The following CFAP77 variants were observed in gnomAD, a reference collection of about 807,000 sequenced individuals.
The protein encoded by CFAP77 is cilia- and flagella-associated protein 77.
CFAP77 carries 25 observed loss-of-function variants against 31.1 expected under a neutral mutation model. The ratio of observed to expected loss-of-function variants is 0.80; its 90% CI spans 0.59 to 1.12. CFAP77 has a LOEUF of 1.12. Among genes scored for constraint, CFAP77 ranks in the 50% most tolerant of loss-of-function variants. The probability of loss-of-function intolerance (pLI) is 0.00; values close to 1 mark genes in which losing one functional copy is unlikely to be tolerated. For missense variants in CFAP77, 377 were observed against 397.3 expected (o/e 0.95, Z 0.44); for synonymous variants, 151 against 159.9 (o/e 0.94, Z 0.42).
At position 132,410,452 on chromosome 9, in the gene CFAP77, CCT is replaced by C; in HGVS notation, c.185_186del (p.Leu62HisfsTer5). 9 of 1,585,616 alleles carry C rather than the reference CCT, an allele frequency of 5.7e-6. No homozygotes were observed. The highest frequency in any genetic ancestry group is 7.7e-6 in the Non-Finnish European group (9 of 1,168,592). On this transcript the variant is annotated frameshift_variant, in exon 1 of 6. Transcript: ENST00000393216. LOFTEE classifies it high-confidence loss of function. ...CGTGCGGGACTCCATGTTTCAGAAC[CCT>C]CTCATCGTCAAGGTGAGCACCCCAC... ...GVVRDSMFQN[P>X]LIVKAELGKP...
rs369149305 is a variant in CFAP77, at chr9:132,440,925, A to G, written c.195+30459A>G. ...CCTCTTCAGTAAACACCTCCCACAT[A>G]CAGGACTTTCTGATGCAACCTGTGT... is the stretch of plus-strand genomic sequence containing the variant. On this transcript the variant is annotated intron_variant, in intron 1 of 5. Transcript: ENST00000393216. Among the ~76,000 whole-genome samples, 4 of 152,270 alleles carry G rather than the reference A, an allele frequency of 2.6e-5. No individual in the cohort carries two copies. The South Asian group carries it at 8.3e-4, about 32-fold the overall frequency.
At chr9:132,568,710 GA>G (rs1829918958) in intron 5 of CFAP77, among the ~76,000 whole-genome samples, 1 of 152,154 alleles carries the variant, frequency 6.6e-6, no homozygotes, top group African/African-American at 2.4e-5. Context: ...CTTTGGAATA[GA>G]TTTTTTTTTG....
chr9:132,472,326 C>T (rs534403536), intron 1 of CFAP77, among the ~76,000 whole-genome samples: 2 of 152,204 alleles, frequency 1.3e-5, no homozygotes, highest in African/African-American at 2.4e-5. Flanking sequence ...ATTTTCAAGA[C>T]TCTTTATTGT....
At chr9:132,433,204 T>G (rs1850443342) in intron 1 of CFAP77, among the ~76,000 whole-genome samples, 1 of 152,192 alleles carries the variant, frequency 6.6e-6, no homozygotes, top group Non-Finnish European at 1.5e-5. Flanking sequence ...TTCATGGGGC[T>G]GTTGCAAAGA....
chr9:132,482,540 G>A (rs561456732), intron 1 of CFAP77: 13 of 709,938 alleles, frequency 1.8e-5, no homozygotes, highest in South Asian at 7.9e-5. Context: ...CCATGGTCTC[G>A]TCTAAATGTT....
At chr9:132,429,403 G>A (rs990935256) in intron 1 of CFAP77, among the ~76,000 whole-genome samples, 2 of 151,680 alleles carry the variant, frequency 1.3e-5, no homozygotes, top group East Asian at 3.9e-4. Flanking sequence ...GCCAGGGGTG[G>A]TGGCGGTTCC....
intron 3 of CFAP77, among the ~76,000 whole-genome samples, chr9:132,521,222 G>A (rs1293646550): frequency 6.6e-6 from 1 of 152,184 alleles, no homozygotes; most frequent in East Asian, 1.9e-4. Flanking sequence ...AGAGAGAAGG[G>A]AATCAAGAGG....
chr9:132,567,792 T>C (rs373304375), intron 5 of CFAP77, among the ~76,000 whole-genome samples: 11 of 152,354 alleles, frequency 7.2e-5, no homozygotes, highest in African/African-American at 2.2e-4. Flanking sequence ...GGGCTCCCGA[T>C]GCTCCTTGGT....
chr9:132,427,138 C>G (rs1475200317), intron 1 of CFAP77, among the ~76,000 whole-genome samples: 2 of 152,242 alleles, frequency 1.3e-5, no homozygotes, highest in Non-Finnish European at 2.9e-5. Flanking sequence ...GGTGGGCCAG[C>G]CTTGGCCAGA....
chr9:132,552,837 G>T lies in CFAP77; in HGVS notation c.732+9790G>T, dbSNP rs1852842625. On this transcript the variant is annotated intron_variant, in intron 5 of 5. Coordinates refer to ENST00000393216, the MANE Select transcript of CFAP77 (RefSeq NM_001282957.2). The surrounding 1 kb of genome is among the most constrained non-coding windows in gnomAD (Gnocchi z 5.5). ...GTGTCAACTCCACTCTTACAGTTACGTTCAAATATGTGTTTACTGTGGCAG... is the reference window on the plus strand; with the variant it reads ...GTGTCAACTCCACTCTTACAGTTACTTTCAAATATGTGTTTACTGTGGCAG... 6.6e-6 allele frequency among the ~76,000 whole-genome samples: 1 copy of T among 152,106 alleles called. No individual in the cohort carries two copies.
intron 1 of CFAP77, among the ~76,000 whole-genome samples, chr9:132,438,576 A>G (rs890313172): frequency 6.5e-4 from 88 of 134,908 alleles, no homozygotes; most frequent in Non-Finnish European, 1.3e-3. Context: ...GTCTCAAGTC[A>G]TCCAGGCTGG....
intron 1 of CFAP77, among the ~76,000 whole-genome samples, chr9:132,429,705 AGTT>A (rs1156899723): frequency 6.7e-6 from 1 of 149,880 alleles, no homozygotes; most frequent in Non-Finnish European, 1.5e-5. Context: ...AAAAAAAAAA[AGTT>A]AGCCGGACAT....
chr9:132,499,635 AG>A lies in CFAP77; in HGVS notation c.524+40del, dbSNP rs754067800. On this transcript the variant is annotated intron_variant, in intron 3 of 5. Transcript: ENST00000393216. This position sits in a 1 kb window ranked among gnomAD's most constrained non-coding sequence, Gnocchi z 5.4. The stretch of plus-strand genomic sequence containing the variant: ...CTGGCAGCCAGGGCTTCATCCCTTG[AG>A]GGGGTGGAGGTACCAGCTCAATCAG... 6.3e-7 allele frequency: 1 copy of A among 1,593,182 alleles called. No homozygotes were observed. Among genetic ancestry groups the A allele is most frequent in the Non-Finnish European group, 8.6e-7 (1 of 1,161,228 alleles).
intron 3 of CFAP77, among the ~76,000 whole-genome samples, chr9:132,520,820 G>A (rs1055964984): frequency 2.5e-4 from 38 of 152,216 alleles, no homozygotes; most frequent in African/African-American, 8.2e-4. Flanking sequence ...AGACACTGGC[G>A]CAGGGCCAGC....
rs1564225272 is a variant in CFAP77 at position 132,490,587 on chromosome 9, C to A, written c.196-8108C>A. 6.6e-6 allele frequency among the ~76,000 whole-genome samples: 1 copy of A among 152,188 alleles called. No individual in the cohort carries two copies. The highest frequency in any genetic ancestry group is 2.4e-5 in the African/African-American group (1 of 41,434). On this transcript the variant is annotated intron_variant, in intron 1 of 5. Transcript: ENST00000393216. The surrounding 1 kb of genome is among the most constrained non-coding windows in gnomAD (Gnocchi z 4.6). ...AGGGAGGCCAAGGGTCAGCGCTGGG[C>A]ACTCCCACCTCTGGCTCCAGGCCGC...
At chr9:132,456,975 G>A (rs1002364777) in intron 1 of CFAP77, among the ~76,000 whole-genome samples, 2 of 151,976 alleles carry the variant, frequency 1.3e-5, no homozygotes, top group Non-Finnish European at 2.9e-5. Flanking sequence ...GAACTCCTGA[G>A]CTCAAGTGAT....
chr9:132,556,321 T>C (rs1852904951), intron 5 of CFAP77, among the ~76,000 whole-genome samples: 1 of 152,198 alleles, frequency 6.6e-6, no homozygotes, highest in Non-Finnish European at 1.5e-5. Context: ...CCTGTCCTGA[T>C]ATTTCTAAGC....
At position 132,466,675 on chromosome 9, in the gene CFAP77, A is replaced by T. The variant is rs116293446; in HGVS notation, c.196-32020A>T. 9.9e-3 allele frequency among the ~76,000 whole-genome samples: 1,503 copies of T among 152,326 alleles called. 29 individuals carry two copies. Among genetic ancestry groups the T allele is most frequent in the African/African-American group, 0.034 (1,424 of 41,566 alleles). Reference sequence around the variant, plus strand: ...TTTTTCCTCTTCAAGAAAATAGCTCAGAGTTAGTTCCCCCGACCTCCCGGC... The same window carrying T: ...TTTTTCCTCTTCAAGAAAATAGCTCTGAGTTAGTTCCCCCGACCTCCCGGC... On this transcript the variant is annotated intron_variant, in intron 1 of 5. Coordinates refer to ENST00000393216, the MANE Select transcript of CFAP77 (RefSeq NM_001282957.2).
At chr9:132,461,682 A>G (rs1851052134) in intron 1 of CFAP77, among the ~76,000 whole-genome samples, 1 of 152,236 alleles carries the variant, frequency 6.6e-6, no homozygotes, top group Non-Finnish European at 1.5e-5. Flanking sequence ...TAGCAAAGGC[A>G]GAACTGCTCC....
Sources: allele counts gnomAD v4.1 joint callset (sites outside exome capture counted in the v4.1 genomes callset), GRCh38; gene constraint gnomAD v4.1.1; non-coding constraint Gnocchi (gnomAD v3.1); transcripts MANE v1.5; gene names NCBI Gene and HGNC (gene_info 2026-07-23, HGNC 2026-07-21).